The following HOOK2 variants were observed in gnomAD, a reference collection of about 807,000 sequenced individuals.
HOOK2 encodes the protein hook microtubule tethering protein 2.
In HOOK2, 108 loss-of-function variants were observed where a neutral mutation model predicts 111.9. The ratio of observed to expected loss-of-function variants is 0.96; its 90% CI spans 0.83 to 1.13. The LOEUF (loss-of-function observed/expected upper bound fraction) is 1.13, where lower values mean the gene tolerates loss of function less well. Among genes scored for constraint, HOOK2 ranks in the 50% most tolerant of loss-of-function variants. The pLI, the probability that HOOK2 is intolerant of heterozygous loss-of-function variation, is 0.00. For missense variants in HOOK2, 978 were observed against 951.3 expected (o/e 1.03, Z -0.37); for synonymous variants, 405 against 394.3 (o/e 1.03, Z -0.32).
intron 3 of HOOK2, among the ~76,000 whole-genome samples, chr19:12,789,174 T>TGAGA (rs141897369): frequency 6.8e-6 from 1 of 147,454 alleles, no homozygotes; most frequent in South Asian, 2.1e-4. Context: ...CCTGGGAAGC[T>TGAGA]GAGAGAGAGA....
Position 12,766,158 on chromosome 19 carries a change from G to T in HOOK2, c.1456C>A (p.Gln486Lys). The T allele has an allele frequency of 6.3e-7, 1 of 1,598,870 alleles. No homozygotes were observed. The highest frequency in any genetic ancestry group is 8.5e-7 in the Non-Finnish European group (1 of 1,178,816). The change falls in exon 15 of 23, where the codon CAG becomes AAG. Residue 486 changes from glutamine to lysine, a missense_variant. By Grantham distance (53) the Gln-to-Lys change is moderately conservative. Transcript: ENST00000397668. ...AADRERQEEL[Q>K]RHLEDANRAR... ...CGGTTGGCATCCTCCAGGTGGCGCT[G>T]CAGCTCCTCCTGCCGCTCCCGGTCG...
intron 3 of HOOK2, among the ~76,000 whole-genome samples, chr19:12,784,232 G>A (rs1599519938): frequency 1.3e-5 from 2 of 152,134 alleles, no homozygotes. Context: ...CGGGCGGGGG[G>A]CTGTAGGAAT....
At position 12,764,714 on chromosome 19, in the gene HOOK2, T is replaced by C; in HGVS notation, c.1827+100A>G. 9 of 922,818 alleles carry C rather than the reference T, an allele frequency of 9.8e-6. No homozygotes were observed. In the South Asian group the frequency reaches 1.3e-4, roughly 13 times the overall value. The allele number at this position is 922,818 out of a possible 1,614,324, so 57.2% of individuals were successfully genotyped here. A position where few individuals can be genotyped will look rare whatever the true frequency, so the allele number is the denominator to read the frequency against. ...TATGGTGGGGTATGACAGGTATGAG[T>C]TGGGGGCACAGATGTGCAAGCAGGA... On this transcript the variant is annotated intron_variant, in intron 20 of 22. Transcript: ENST00000397668.
At chr19:12,775,958 G>GCTCCGCCCCCTGGGGTT (rs1968496462), upstream of HOOK2, among the ~76,000 whole-genome samples, 1 of 142,534 alleles carries the variant, frequency 7.0e-6, no homozygotes, top group Non-Finnish European at 1.5e-5. Context: ...CTCACTGCAG[G>GCTCCGCCCCCTGGGGTT]CTCCGCCCCC....
chr19:12,766,011 C>A lies in HOOK2; in HGVS notation c.1515G>T (p.Leu505=). ...ARHGLETQHR[L]NQQQLSELRA... ...GCAGCTCGGATAGCTGCTGCTGGTTCAGCCTGCGAGGGTGGGGGGCCGCTT... is the reference window on the plus strand; with the variant it reads ...GCAGCTCGGATAGCTGCTGCTGGTTAAGCCTGCGAGGGTGGGGGGCCGCTT... The change falls in exon 16 of 23, where the codon CTG becomes CTT. Residue 505 remains leucine (L), a synonymous_variant. Coordinates refer to ENST00000397668, the MANE Select transcript of HOOK2 (RefSeq NM_013312.3). The A allele has an allele frequency of 6.2e-7, 1 of 1,613,450 alleles. No homozygotes were observed. The highest frequency in any genetic ancestry group is 1.1e-5 in the South Asian group (1 of 91,080).
chr19:12,791,242 A>C lies in HOOK2; in HGVS notation n.42-17017T>G, dbSNP rs1968708746. Reference sequence around the variant, plus strand: ...CACTCATGTGCCTGGGCCCCCCAGCACCTCCTTCCATGCGTACCCCGAGGT... The same window carrying C: ...CACTCATGTGCCTGGGCCCCCCAGCCCCTCCTTCCATGCGTACCCCGAGGT... On this transcript the variant is annotated intron_variant and non_coding_transcript_variant, in intron 3 of 3. Transcript: ENST00000589765. The surrounding 1 kb of genome is among the most constrained non-coding windows in gnomAD (Gnocchi z 7.0). Among the ~76,000 whole-genome samples the C allele has an allele frequency of 6.7e-6, 1 of 149,494 alleles. No individual in the cohort carries two copies. The highest frequency in any genetic ancestry group is 2.5e-5 in the African/African-American group (1 of 40,466).
chr19:12,765,407 A>C, intron 18 of HOOK2: 1 of 585,950 alleles, frequency 1.7e-6, no homozygotes, highest in South Asian at 2.0e-5. Context: ...TCCAGCAGCC[A>C]GGGATCTTTC....
rs1377720565 is a variant in HOOK2, at chr19:12,790,870, A to G, written n.42-16645T>C. 1.3e-5 allele frequency among the ~76,000 whole-genome samples: 2 copies of G among 151,676 alleles called. No homozygotes were observed. The highest frequency in any genetic ancestry group is 2.1e-4 in the South Asian group (1 of 4,796). Reference sequence around the variant, plus strand: ...CCCATGAGCTCCTGGACCCCTACTCATTTCTTGCAATTTAATGGGTCATGC... The same window carrying G: ...CCCATGAGCTCCTGGACCCCTACTCGTTTCTTGCAATTTAATGGGTCATGC... On this transcript the variant is annotated intron_variant and non_coding_transcript_variant, in intron 3 of 3. Coordinates refer to the HOOK2 transcript ENST00000589765. The surrounding 1 kb of genome is among the most constrained non-coding windows in gnomAD (Gnocchi z 7.2).
rs762399845 is a variant in HOOK2, at chr19:12,766,195, C to A, written c.1419G>T (p.Arg473Ser). ...RLQLENKRLC[R>S]QEAADRERQE... ...GCCGCTCCCGGTCGGCCGCCTCCTG[C>A]CTGCACAGCCGCTTGTTCTCCAGCT... Residue 473 changes from arginine (R) to serine (S), a missense_variant, in exon 15 of 23, where the codon AGG becomes AGT. Coordinates refer to ENST00000397668, the MANE Select transcript of HOOK2 (RefSeq NM_013312.3). The A allele has an allele frequency of 6.3e-7, 1 of 1,596,374 alleles. No homozygotes were observed. The highest frequency in any genetic ancestry group is 1.1e-5 in the South Asian group (1 of 90,570).
In HOOK2 at chr19:12,763,227, G is replaced by A. The variant is rs1968047362; in HGVS notation, c.*55C>T. On this transcript the variant is annotated 3_prime_UTR_variant, in exon 23 of 23. Transcript: ENST00000397668. ...TGAAGCCCAGTGCTGGGCGCCATGT[G>A]AGCTGGAGGAAGCCAGGGTGGGTGG... 1 of 1,582,538 alleles carries A rather than the reference G, an allele frequency of 6.3e-7. No individual in the cohort carries two copies. Among genetic ancestry groups the A allele is most frequent in the Non-Finnish European group, 8.6e-7 (1 of 1,160,450 alleles).
At chr19:12,776,066 A>C (rs1568375762), upstream of HOOK2, among the ~76,000 whole-genome samples, 1 of 147,900 alleles carries the variant, frequency 6.8e-6, no homozygotes, top group Non-Finnish European at 1.5e-5. Context: ...TTTAGTAGAG[A>C]CGGGGTTTCA....
In HOOK2 at chr19:12,769,998, C is replaced by T. The variant is rs1379256502; in HGVS notation, c.987G>A (p.Arg329=). The change falls in exon 11 of 23, where the codon CGG becomes CGA. Residue 329 remains arginine (R), a synonymous_variant. Transcript: ENST00000397668. ...TGCGTTCCTCCAGCTGCCGCACCTG[C>T]CGCCGCAGCTCCCTCAGCTCGCCCA... ...RRLGELRELR[R]QVRQLEERNA... The T allele has an allele frequency of 1.9e-6, 3 of 1,544,972 alleles. No homozygotes were observed. The highest frequency in any genetic ancestry group is 2.6e-6 in the Non-Finnish European group (3 of 1,149,612).
intron 18 of HOOK2, 97 bp downstream of exon 18, chr19:12,765,592 AT>A: frequency 6.8e-7 from 1 of 1,479,716 alleles, no homozygotes. Context: ...TACTAAAAAT[AT>A]AAAAAATCAG....
rs1441096770 is a variant in HOOK2, at chr19:12,771,248, C to A, written c.672G>T (p.Arg224=). 1.2e-6 allele frequency: 2 copies of A among 1,608,272 alleles called. No individual in the cohort carries two copies. The highest frequency in any genetic ancestry group is 1.7e-5 in the Admixed American group (1 of 58,964). ...ENAGLRERMG[R]PEGEGTPGLT... ...GACCTGGGGTACCCTCGCCTTCAGGCCGGCCCATCCGCTCCCGCAGCCCTG... is the reference window on the plus strand; with the variant it reads ...GACCTGGGGTACCCTCGCCTTCAGGACGGCCCATCCGCTCCCGCAGCCCTG... The change falls in exon 9 of 23, where the codon CGG becomes CGT. Residue 224 remains arginine, a synonymous_variant. Transcript: ENST00000397668.
rs756265222 is a variant in HOOK2 at position 12,769,968 on chromosome 19, G to A, written c.1017C>T (p.Ala339=). Residue 339 remains alanine (A), a synonymous_variant, in exon 11 of 23, where the codon GCC becomes GCT. Transcript: ENST00000397668. ...GTTGTCGCGTGCGCTCGGCGTGGCCGGCGTTGCGTTCCTCCAGCTGCCGCA... is the reference window on the plus strand; with the variant it reads ...GTTGTCGCGTGCGCTCGGCGTGGCCAGCGTTGCGTTCCTCCAGCTGCCGCA... The part of the protein sequence containing the change: ...RQVRQLEERN[A]GHAERTRQLE... The A allele has an allele frequency of 9.7e-6, 15 of 1,552,238 alleles. No individual in the cohort carries two copies. The highest frequency in any genetic ancestry group is 5.7e-5 in the Admixed American group (3 of 53,054).
chr19:12,785,762 T>C (rs1260726327), intron 3 of HOOK2, among the ~76,000 whole-genome samples: 1 of 152,202 alleles, frequency 6.6e-6, no homozygotes, highest in East Asian at 1.9e-4. Context: ...CCCCTGGACC[T>C]TGCCAAGGTT....
At position 12,763,772 on chromosome 19, in the gene HOOK2, G is replaced by A. The variant is rs1287630745; in HGVS notation, c.1834C>T (p.Gln612Ter). The A allele has an allele frequency of 2.5e-6, 4 of 1,613,598 alleles. No individual in the cohort carries two copies. The East Asian group carries it at 6.7e-5, about 27-fold the overall frequency. Residue 612 changes from glutamine (Q) to a stop codon, truncating the protein, a stop_gained, in exon 21 of 23, where the codon CAG (glutamine) becomes TAG (stop). Coordinates refer to ENST00000397668, the MANE Select transcript of HOOK2 (RefSeq NM_013312.3). LOFTEE classifies it high-confidence loss of function. ...GGCCGCTGCTTGGGTTCCATGGTCT[G>A]CATGACCTACAGGTTGAGGAAGTCA... Reference protein sequence around the residue: ...RYVDKARMVMQTMEPKQRPAA... With the variant: ...RYVDKARMVM
Position 12,769,890 on chromosome 19 carries a change from C to T in HOOK2, c.1095G>A (p.Gln365=). 6.8e-7 allele frequency: 1 copy of T among 1,468,678 alleles called. No individual in the cohort carries two copies. The highest frequency in any genetic ancestry group is 8.9e-7 in the Non-Finnish European group (1 of 1,119,640). The allele number at this position is 1,468,678 out of a possible 1,614,324, so 91.0% of individuals were successfully genotyped here. ...AGSLRAQLEA[Q]RRQVQELQGQ... The stretch of plus-strand genomic sequence containing the variant: ...CCCGCCCCCGCCGCACCTGCCGCCG[C>T]TGCGCCTCCAGCTGGGCGCGCAGGG... Residue 365 remains glutamine (Q), a synonymous_variant, in exon 11 of 23, where the codon CAG becomes CAA. Coordinates refer to ENST00000397668, the MANE Select transcript of HOOK2 (RefSeq NM_013312.3).
chr19:12,783,869 T>G lies in HOOK2; in HGVS notation n.42-9644A>C, dbSNP rs560447110. Among the ~76,000 whole-genome samples the G allele has an allele frequency of 2.0e-5, 3 of 152,132 alleles. No homozygotes were observed. The South Asian group carries it at 6.2e-4, about 32-fold the overall frequency. On this transcript the variant is annotated intron_variant and non_coding_transcript_variant, in intron 3 of 3. Coordinates refer to the HOOK2 transcript ENST00000589765. ...CAGGCCATGCCCCACCCAGACACTC[T>G]AAGGCCATGGGGTTCATCTTGTCCA...
Sources: gnomAD v4.1 joint callset for allele counts (sites outside exome capture counted in the v4.1 genomes callset) on GRCh38, gnomAD v4.1.1 for gene constraint, Gnocchi (gnomAD v3.1) non-coding constraint, MANE v1.5 for transcripts, NCBI Gene and HGNC (gene_info 2026-07-23, HGNC 2026-07-21) for gene names.